The following CPT1A variants were observed in gnomAD, a reference collection of about 807,000 sequenced individuals.
CPT1A encodes the protein carnitine palmitoyltransferase 1A.
Under a neutral mutation model 100.8 loss-of-function variants are expected in CPT1A, and 64 were observed. That is an observed-to-expected ratio of 0.63 (90% confidence interval 0.52 to 0.78). The LOEUF is 0.78. Ranked by LOEUF, CPT1A falls within the 30% of genes least tolerant of loss-of-function variation. The pLI is 0.00. For synonymous variants in CPT1A, 363 were observed against 396.0 expected (o/e 0.92, Z 0.99); for missense variants, 802 against 1,034.1 (o/e 0.78, Z 3.08).
intron 14 of CPT1A, among the ~76,000 whole-genome samples, chr11:68,766,767 C>T (rs1350383115): frequency 2.0e-5 from 3 of 150,606 alleles, no homozygotes; most frequent in Admixed American, 1.3e-4. Flanking sequence ...GGATTACAGG[C>T]GTCAACTACC....
chr11:68,785,993 G>A (rs567389686), intron 9 of CPT1A: 116 of 702,278 alleles, frequency 1.7e-4, no homozygotes, highest in South Asian at 1.6e-3. Context: ...CTTAAGCACT[G>A]CTCAGTGGGG....
chr11:68,838,207 G>A (rs1416623694), intron 1 of CPT1A, among the ~76,000 whole-genome samples: 2 of 152,004 alleles, frequency 1.3e-5, no homozygotes, highest in African/African-American at 4.8e-5. Flanking sequence ...TCACTCAGCA[G>A]CATGATTTCT....
intron 14 of CPT1A, among the ~76,000 whole-genome samples, chr11:68,769,877 C>T (rs1005028144): frequency 7.2e-5 from 11 of 152,016 alleles, no homozygotes; most frequent in African/African-American, 1.4e-4. Context: ...GGTGAAACTC[C>T]GTCTCTACTA....
intron 1 of CPT1A, chr11:68,839,639 C>T: frequency 7.1e-6 from 7 of 985,468 alleles, no homozygotes; most frequent in Non-Finnish European, 8.4e-6. Flanking sequence ...CTGCATCCAA[C>T]GAGCCAGAAA....
chr11:68,819,576 A>C (rs184057020), intron 1 of CPT1A, among the ~76,000 whole-genome samples: 12 of 152,350 alleles, frequency 7.9e-5, no homozygotes, highest in South Asian at 2.1e-4. Context: ...GATTAAATAT[A>C]GCGTCTGTAG....
chr11:68,819,531 T>G (rs907135985), intron 1 of CPT1A, among the ~76,000 whole-genome samples: 1 of 152,212 alleles, frequency 6.6e-6, no homozygotes, highest in Non-Finnish European at 1.5e-5. Context: ...CTCCTGGGCT[T>G]CATACAGAAC....
chr11:68,793,035 G>A (rs1434916453), intron 9 of CPT1A, among the ~76,000 whole-genome samples: 1 of 138,610 alleles, frequency 7.2e-6, no homozygotes, highest in Non-Finnish European at 1.5e-5. Flanking sequence ...GTGGCAGAGA[G>A]AGACCTCATG....
chr11:68,802,896 CAAAA>C (rs901808584), intron 5 of CPT1A, among the ~76,000 whole-genome samples: 2,220 of 44,836 alleles, frequency 0.05, 38 homozygotes, highest in African/African-American at 0.13. Flanking sequence ...GACCCTGTCT[CAAAA>C]AAAAAAAAAA....
chr11:68,767,296 G>A (rs756973009), intron 14 of CPT1A, among the ~76,000 whole-genome samples: 5 of 152,146 alleles, frequency 3.3e-5, no homozygotes, highest in Admixed American at 6.5e-5. Flanking sequence ...ATATTTTTCC[G>A]TATAATATGC....
At chr11:68,844,037 G>T (rs1381909340), upstream of CPT1A, 1 of 152,324 alleles carries the variant, frequency 6.6e-6, no homozygotes, top group South Asian at 2.1e-4. Flanking sequence ...AGGGCTCTTC[G>T]GCCTTGACCG....
At chr11:68,760,154 G>A in intron 17 of CPT1A, 71 bp downstream of exon 17, 1 of 1,075,430 alleles carries the variant, frequency 9.3e-7, no homozygotes, top group Non-Finnish European at 1.4e-6. Flanking sequence ...CACGGAGATG[G>A]GCCCATCACA....
At chr11:68,767,917 C>T (rs1594322104) in intron 14 of CPT1A, among the ~76,000 whole-genome samples, 1 of 152,114 alleles carries the variant, frequency 6.6e-6, no homozygotes, top group Non-Finnish European at 1.5e-5. Context: ...CCTTCCCCTC[C>T]TGCCTGCTTT....
chr11:68,821,005 A>AT (rs1388346122), intron 1 of CPT1A, among the ~76,000 whole-genome samples: 2 of 152,106 alleles, frequency 1.3e-5, no homozygotes, highest in East Asian at 1.9e-4. Flanking sequence ...CTGTATATAT[A>AT]TTTTTTTGAG....
intron 12 of CPT1A, among the ~76,000 whole-genome samples, chr11:68,776,153 C>G (rs1855133249): frequency 6.6e-6 from 1 of 152,258 alleles, no homozygotes; most frequent in Non-Finnish European, 1.5e-5. Flanking sequence ...AATCCCAGCA[C>G]TTTGGGAGGC....
At chr11:68,764,603 C>T (rs889166559) in intron 14 of CPT1A, among the ~76,000 whole-genome samples, 6 of 152,052 alleles carry the variant, frequency 3.9e-5, no homozygotes, top group Admixed American at 6.5e-5. Flanking sequence ...CCCGCTCAGC[C>T]GGGGAAGGCC....
chr11:68,775,521 G>C, intron 12 of CPT1A, 89 bp from the exon 13 acceptor site: 1 of 1,055,586 alleles, frequency 9.5e-7, no homozygotes, highest in Non-Finnish European at 1.5e-6. Context: ...GTTCTTTGCA[G>C]AGATGTTACA....
intron 5 of CPT1A, among the ~76,000 whole-genome samples, chr11:68,800,066 A>T (rs554530478): frequency 6.6e-6 from 1 of 152,270 alleles, no homozygotes; most frequent in South Asian, 2.1e-4. Flanking sequence ...AGTTTTGATG[A>T]CCTGCGATGG....
intron 1 of CPT1A, among the ~76,000 whole-genome samples, chr11:68,833,124 G>T (rs628399): frequency 0.8 from 121,847 of 152,112 alleles, 50,542 homozygotes; most frequent in Non-Finnish European, 0.92. Context: ...CATGCATGAT[G>T]TCCAAGGTGG....
rs1049440172 is a variant in CPT1A, at chr11:68,815,834, G to A, written c.-13-347C>T. On this transcript the variant is annotated intron_variant, in intron 1 of 18. Transcript: ENST00000265641. Reference sequence around the variant, plus strand: ...GGCCCTGGACGTCCCCCAGAACCACGCCTCCAAGCCAGCATCCAGGCCCGT... The same window carrying A: ...GGCCCTGGACGTCCCCCAGAACCACACCTCCAAGCCAGCATCCAGGCCCGT... Among the ~76,000 whole-genome samples the A allele has an allele frequency of 3.1e-4, 44 of 141,272 alleles. 1 individual carries two copies. Among genetic ancestry groups the A allele is most frequent in the African/African-American group, 9.2e-4 (34 of 36,930 alleles). The allele number at this position is 141,272 out of a possible 152,430, so 92.7% of individuals were successfully genotyped here.
Sources: allele counts gnomAD v4.1 joint callset (sites outside exome capture counted in the v4.1 genomes callset), GRCh38; gene constraint gnomAD v4.1.1; transcripts MANE v1.5; gene names NCBI Gene and HGNC (gene_info 2026-07-23, HGNC 2026-07-21).